Variants in LRRC4C observed in about 807,000 individuals in gnomAD.
The protein encoded by LRRC4C is leucine-rich repeat-containing protein 4C.
In LRRC4C, 5 loss-of-function variants were observed where a neutral mutation model predicts 33.6. The observed-to-expected ratio is 0.15, with a 90% CI of 0.08 to 0.31. The LOEUF is 0.31. LRRC4C is among the 10% of genes least tolerant of loss of function. The probability of loss-of-function intolerance (pLI) is 1.00; values close to 1 mark genes in which losing one functional copy is unlikely to be tolerated. For missense variants in LRRC4C, 560 were observed against 796.7 expected, an observed-to-expected ratio of 0.70 and a Z score of 3.58; for synonymous variants, 329 against 302.0, an observed-to-expected ratio of 1.09 and a Z score of -0.93.
intron 1 of LRRC4C, among the ~76,000 whole-genome samples, chr11:41,432,416 C>T (rs953662755): frequency 6.6e-6 from 1 of 152,030 alleles, no homozygotes; most frequent in Admixed American, 6.6e-5. Context: ...GCTGACAAAT[C>T]TAGGTGAGGA....
At chr11:40,764,963 G>A (rs542561293) in intron 2 of LRRC4C, among the ~76,000 whole-genome samples, 1 of 152,268 alleles carries the variant, frequency 6.6e-6, no homozygotes, top group East Asian at 1.9e-4. Flanking sequence ...TTATTGGAAA[G>A]CCTTCCCACG....
At position 40,732,563 on chromosome 11, in the gene LRRC4C, C is replaced by T. The variant is rs554515799; in HGVS notation, c.-406-84285G>A. 7.6e-4 allele frequency among the ~76,000 whole-genome samples: 115 copies of T among 152,160 alleles called. 1 individual carries two copies. Among genetic ancestry groups the T allele is most frequent in the African/African-American group, 2.4e-3 (99 of 41,528 alleles). On this transcript the variant is annotated intron_variant, in intron 2 of 6. Coordinates refer to ENST00000528697, the MANE Select transcript of LRRC4C (RefSeq NM_001258419.2). ...AGATTACACATCCCTAGAAGGCATG[C>T]TAGAAGAAAGAGATCACACATAAGG...
chr11:40,987,641 A>ATG, intron 1 of LRRC4C, among the ~76,000 whole-genome samples: 1 of 69,350 alleles, frequency 1.4e-5, no homozygotes, highest in Non-Finnish European at 2.8e-5. Context: ...ATATATATAT[A>ATG]TATATATATA....
chr11:40,420,687 C>T (rs992043551), intron 3 of LRRC4C, among the ~76,000 whole-genome samples: 2 of 152,150 alleles, frequency 1.3e-5, no homozygotes, highest in Non-Finnish European at 2.9e-5. Flanking sequence ...CATAAACAAC[C>T]TGAATGGAGT....
intron 3 of LRRC4C, among the ~76,000 whole-genome samples, chr11:40,499,389 C>T (rs1417682224): frequency 1.3e-5 from 2 of 152,156 alleles, no homozygotes; most frequent in African/African-American, 4.8e-5. Context: ...GAAACCATCA[C>T]ATTGCACACC....
At chr11:41,021,517 G>T (rs2137679008) in intron 1 of LRRC4C, among the ~76,000 whole-genome samples, 1 of 152,150 alleles carries the variant, frequency 6.6e-6, no homozygotes, top group African/African-American at 2.4e-5. Context: ...TTGATAGCTG[G>T]TTGATAAGAG....
intron 3 of LRRC4C, among the ~76,000 whole-genome samples, chr11:40,493,863 T>A (rs1954288885): frequency 6.6e-6 from 1 of 152,134 alleles, no homozygotes; most frequent in African/African-American, 2.4e-5. Flanking sequence ...CCCCTAAATC[T>A]ACTGTTTACT....
chr11:40,324,023 C>G (rs911962601), intron 3 of LRRC4C, among the ~76,000 whole-genome samples: 2 of 152,128 alleles, frequency 1.3e-5, no homozygotes, highest in Non-Finnish European at 2.9e-5. Flanking sequence ...CTTCAATGAA[C>G]AAGAAATTCA....
At chr11:40,625,397 A>G (rs1038545386) in intron 3 of LRRC4C, among the ~76,000 whole-genome samples, 2 of 152,186 alleles carry the variant, frequency 1.3e-5, no homozygotes, top group African/African-American at 2.4e-5. Flanking sequence ...AAGAGGAGCA[A>G]AGGCACATCT....
At chr11:40,174,822 C>T (rs1182011376) in intron 5 of LRRC4C, among the ~76,000 whole-genome samples, 1 of 152,122 alleles carries the variant, frequency 6.6e-6, no homozygotes, top group Non-Finnish European at 1.5e-5. Context: ...TTGCTTCTCC[C>T]AGGGGACAGG....
Position 40,696,768 on chromosome 11 carries a change from A to ATC in LRRC4C, c.-406-48491_-406-48490insGA, listed in dbSNP as rs1349107481. On this transcript the variant is annotated intron_variant, in intron 2 of 6. Coordinates refer to ENST00000528697, the MANE Select transcript of LRRC4C (RefSeq NM_001258419.2). Reference sequence around the variant, plus strand: ...ACTGTGTATATATATATATATATATATATATATCTGAGTATATATATATAC... The same window carrying ATC: ...ACTGTGTATATATATATATATATATATCTATATATCTGAGTATATATATATAC... 1.2e-3 allele frequency among the ~76,000 whole-genome samples: 162 copies of ATC among 135,750 alleles called. 2 individuals carry two copies. Among genetic ancestry groups the ATC allele is most frequent in the African/African-American group, 4.2e-3 (156 of 37,456 alleles). 89.1% of individuals were successfully genotyped at this position (135,750 alleles called of 152,430 possible).
At position 40,281,045 on chromosome 11, in the gene LRRC4C, C is replaced by T. The variant is rs558466912; in HGVS notation, c.-176+38583G>A. Among the ~76,000 whole-genome samples the T allele has an allele frequency of 2.0e-4, 30 of 152,062 alleles. No individual in the cohort carries two copies. In the South Asian group the frequency reaches 3.9e-3, roughly 20 times the overall value. On this transcript the variant is annotated intron_variant, in intron 4 of 6. Transcript: ENST00000528697. ...GGATGGGGAGGACTAAGGATGAAGG[C>T]GGATAGGGATGGATGCAGAGAGGGT...
intron 3 of LRRC4C, among the ~76,000 whole-genome samples, chr11:40,498,462 T>A (rs2138593574): frequency 6.6e-6 from 1 of 152,356 alleles, no homozygotes; most frequent in South Asian, 2.1e-4. Flanking sequence ...TCCAAATGGT[T>A]TCATTACTTT....
chr11:40,709,482 A>G, intron 2 of LRRC4C, among the ~76,000 whole-genome samples: 1 of 152,170 alleles, frequency 6.6e-6, no homozygotes. Context: ...TTGGCTGGAT[A>G]TGAAATTCTG....
At chr11:40,593,059 C>A (rs1381259935) in intron 3 of LRRC4C, among the ~76,000 whole-genome samples, 1 of 152,182 alleles carries the variant, frequency 6.6e-6, no homozygotes, top group Non-Finnish European at 1.5e-5. Flanking sequence ...AATTTCTCAA[C>A]TGGCAACTAG....
intron 2 of LRRC4C, among the ~76,000 whole-genome samples, chr11:40,770,366 C>T (rs1444369287): frequency 6.6e-6 from 1 of 152,118 alleles, no homozygotes; most frequent in Admixed American, 6.5e-5. Flanking sequence ...GGGGGAACTG[C>T]CCCTATGATA....
intron 1 of LRRC4C, among the ~76,000 whole-genome samples, chr11:41,298,502 G>T (rs1034691817): frequency 6.6e-6 from 1 of 151,884 alleles, no homozygotes; most frequent in African/African-American, 2.4e-5. Flanking sequence ...GAATGGATAT[G>T]GGCAACAGGC....
intron 2 of LRRC4C, among the ~76,000 whole-genome samples, chr11:40,861,238 T>C (rs1290108372): frequency 3.3e-5 from 5 of 152,194 alleles, no homozygotes; most frequent in Admixed American, 2.6e-4. Context: ...GAATAAATTT[T>C]GAGATCCTCA....
At chr11:41,457,715 A>T (rs928522600) in intron 1 of LRRC4C, among the ~76,000 whole-genome samples, 40 of 152,152 alleles carry the variant, frequency 2.6e-4, no homozygotes, top group African/African-American at 8.9e-4. Flanking sequence ...TAAATCATTG[A>T]CATGAAAGAC....
Sources: gnomAD v4.1 joint callset for allele counts (sites outside exome capture counted in the v4.1 genomes callset) on GRCh38, gnomAD v4.1.1 for gene constraint, MANE v1.5 for transcripts, NCBI Gene and HGNC (gene_info 2026-07-23, HGNC 2026-07-21) for gene names.